The following PCDHGA6 variants were observed in gnomAD, a reference collection of about 807,000 sequenced individuals.
PCDHGA6 encodes protocadherin gamma subfamily A, 6.
Under a neutral mutation model 60.6 loss-of-function variants are expected in PCDHGA6, and 41 were observed. That is an observed-to-expected ratio of 0.68 (90% CI 0.53 to 0.88). PCDHGA6 has a LOEUF of 0.88. PCDHGA6 is among the 40% of genes least tolerant of loss of function. The pLI is 0.00. For missense variants in PCDHGA6, 1,312 were observed against 1,203.0 expected, an observed-to-expected ratio of 1.09 and a Z score of -1.34; for synonymous variants, 594 against 524.4, an observed-to-expected ratio of 1.13 and a Z score of -1.81.
chr5:141,492,499 C>T (rs2099741220), intron 1 of PCDHGA6, among the ~76,000 whole-genome samples: 1 of 152,198 alleles, frequency 6.6e-6, no homozygotes. Context: ...GGCGAGGACT[C>T]CGGAGCCTCC....
chr5:141,422,447 C>G, intron 1 of PCDHGA6: 2 of 1,610,922 alleles, frequency 1.2e-6, no homozygotes, highest in Non-Finnish European at 1.7e-6. Flanking sequence ...AAATTGATAA[C>G]AAGCAGAGTG....
chr5:141,486,444 T>G lies in PCDHGA6; in HGVS notation c.2425-8363T>G. 1 of 1,614,086 alleles carries G rather than the reference T, an allele frequency of 6.2e-7. No homozygotes were observed. Among genetic ancestry groups the G allele is most frequent in the Non-Finnish European group, 8.5e-7 (1 of 1,179,930 alleles). ...GAGGCCAAATCTAGCTATGACATCA[T>G]GGTCACTGCTTCTGATGCTGGGAAC... On this transcript the variant is annotated intron_variant, in intron 1 of 3. Coordinates refer to ENST00000517434, the MANE Select transcript of PCDHGA6 (RefSeq NM_018919.3). The surrounding 1 kb of genome is among the most constrained non-coding windows in gnomAD (Gnocchi z 5.0).
chr5:141,421,640 A>T (rs367946949), intron 1 of PCDHGA6: 1 of 1,613,716 alleles, frequency 6.2e-7, no homozygotes, highest in Non-Finnish European at 8.5e-7. Context: ...CAGGAGGACG[A>T]AGTGGAGATA....
In PCDHGA6 at chr5:141,430,592, C is replaced by G; in HGVS notation, c.2424+54085C>G. The G allele has an allele frequency of 9.2e-6, 5 of 544,570 alleles. No individual in the cohort carries two copies. In the South Asian group the frequency reaches 3.1e-4, roughly 34 times the overall value. The allele number at this position is 544,570 out of a possible 1,614,324, so 33.7% of individuals were successfully genotyped here. ...AAGCGGAGATCCTGCTCGCCTTGCACGCGCCTGAAGCACAAAGCAGATAGC... is the reference window on the plus strand; with the variant it reads ...AAGCGGAGATCCTGCTCGCCTTGCAGGCGCCTGAAGCACAAAGCAGATAGC... On this transcript the variant is annotated intron_variant, in intron 1 of 3. Coordinates refer to ENST00000517434, the MANE Select transcript of PCDHGA6 (RefSeq NM_018919.3).
At chr5:141,473,548 C>A (rs1158305951) in intron 1 of PCDHGA6, among the ~76,000 whole-genome samples, 3 of 152,118 alleles carry the variant, frequency 2.0e-5, no homozygotes, top group South Asian at 2.1e-4. Context: ...TAATGGAAGA[C>A]CTCTATTAGG....
chr5:141,455,343 G>A (rs1462807460), intron 1 of PCDHGA6, among the ~76,000 whole-genome samples: 1 of 152,036 alleles, frequency 6.6e-6, no homozygotes, highest in African/African-American at 2.4e-5. Flanking sequence ...TTTAAGGAGC[G>A]GAGAGTTTAA....
At chr5:141,473,942 G>A (rs1419813166) in intron 1 of PCDHGA6, among the ~76,000 whole-genome samples, 3 of 152,124 alleles carry the variant, frequency 2.0e-5, no homozygotes, top group Non-Finnish European at 2.9e-5. Flanking sequence ...AGTAGCTCAG[G>A]CCTGTAGTCC....
intron 1 of PCDHGA6, among the ~76,000 whole-genome samples, chr5:141,451,108 G>A (rs1484218835): frequency 3.3e-5 from 5 of 151,860 alleles, no homozygotes; most frequent in South Asian, 2.1e-4. Flanking sequence ...GATTACAGGC[G>A]TGAGCCACCA....
chr5:141,465,583 A>G (rs1056902823), intron 1 of PCDHGA6, among the ~76,000 whole-genome samples: 10 of 152,162 alleles, frequency 6.6e-5, no homozygotes, highest in African/African-American at 2.4e-4. Flanking sequence ...ACACTCTCAT[A>G]ATAATCAGAT....
intron 1 of PCDHGA6, chr5:141,411,852 C>G (rs992038456): frequency 1.3e-5 from 2 of 151,222 alleles, no homozygotes; most frequent in East Asian, 1.9e-4. Context: ...AGAGTGAGAC[C>G]CTGTCTCAAA....
rs188916402 is a variant in PCDHGA6, at chr5:141,473,975, G to A, written c.2425-20832G>A. 4.6e-5 allele frequency among the ~76,000 whole-genome samples: 7 copies of A among 152,222 alleles called. No homozygotes were observed. The East Asian group carries it at 7.7e-4, about 17-fold the overall frequency. ...TCCCATCTACTTAGAAGTCTGAGGCGGGAGGATCCCTTGAGCCCAAGGAGC... is the reference window on the plus strand; with the variant it reads ...TCCCATCTACTTAGAAGTCTGAGGCAGGAGGATCCCTTGAGCCCAAGGAGC... On this transcript the variant is annotated intron_variant, in intron 1 of 3. Transcript: ENST00000517434.
intron 3 of PCDHGA6, among the ~76,000 whole-genome samples, chr5:141,506,833 C>A (rs1462038297): frequency 1.3e-5 from 2 of 152,092 alleles, no homozygotes; most frequent in African/African-American, 4.8e-5. Context: ...AACTGATAGC[C>A]CTGCCCTCCA....
intron 1 of PCDHGA6, chr5:141,398,873 T>G (rs2093718804): frequency 5.0e-6 from 8 of 1,613,254 alleles, no homozygotes; most frequent in Non-Finnish European, 6.8e-6. Context: ...GTGTACAGAG[T>G]CAGCCTTCGG....
chr5:141,458,674 A>G (rs1315462699), intron 1 of PCDHGA6, among the ~76,000 whole-genome samples: 1 of 152,104 alleles, frequency 6.6e-6, no homozygotes, highest in East Asian at 1.9e-4. Flanking sequence ...GGTTCAAGCA[A>G]TTCTACTGCC....
At chr5:141,394,001 G>C in intron 1 of PCDHGA6, 1 of 1,613,458 alleles carries the variant, frequency 6.2e-7, no homozygotes, top group Non-Finnish European at 8.5e-7. Flanking sequence ...AATTAGAAAA[G>C]TCAATAGGTA....
intron 1 of PCDHGA6, chr5:141,388,368 A>G (rs1420676769): frequency 1.2e-6 from 2 of 1,614,026 alleles, no homozygotes; most frequent in Admixed American, 3.3e-5. Context: ...TGATGCGGAT[A>G]TTGGTAGCAA....
At chr5:141,410,041 G>A (rs763879404) in intron 1 of PCDHGA6, 2 of 1,613,228 alleles carry the variant, frequency 1.2e-6, no homozygotes, top group East Asian at 2.2e-5. Flanking sequence ...AGGCCAGTGA[G>A]CCCGGACTCT....
intron 1 of PCDHGA6, among the ~76,000 whole-genome samples, chr5:141,430,064 A>T (rs1482609618): frequency 6.6e-6 from 1 of 152,190 alleles, no homozygotes; most frequent in Non-Finnish European, 1.5e-5. Flanking sequence ...TATCATTTTT[A>T]GGTTTCCATA....
rs1431906047 is a variant in PCDHGA6, at chr5:141,485,858, C to T, written c.2425-8949C>T. On this transcript the variant is annotated intron_variant, in intron 1 of 3. Transcript: ENST00000517434. This position sits in a 1 kb window ranked among gnomAD's most constrained non-coding sequence, Gnocchi z 5.7. ...GCCGAGATCTGGCACCGCAGAGCTC[C>T]GGGTATCCGTGCTGGACGTAAACGA... The T allele has an allele frequency of 1.9e-6, 3 of 1,614,162 alleles. No individual in the cohort carries two copies. The highest frequency in any genetic ancestry group is 2.5e-6 in the Non-Finnish European group (3 of 1,180,028).
Sources: gnomAD v4.1 joint callset for allele counts (sites outside exome capture counted in the v4.1 genomes callset) on GRCh38, gnomAD v4.1.1 for gene constraint, Gnocchi (gnomAD v3.1) non-coding constraint, MANE v1.5 for transcripts, NCBI Gene and HGNC (gene_info 2026-07-23, HGNC 2026-07-21) for gene names.